Variants in CSMD3 observed in about 807,000 individuals in gnomAD.
CSMD3 encodes CUB and Sushi multiple domains 3.
A neutral mutation model predicts 435.2 loss-of-function variants in CSMD3; 177 were observed. That is an observed-to-expected ratio of 0.41 (90% CI 0.36 to 0.46). The LOEUF (loss-of-function observed/expected upper bound fraction) is 0.46. Among genes scored for constraint, CSMD3 ranks in the 20% least tolerant of loss-of-function variants. CSMD3 has a pLI of 0.34. For synonymous variants in CSMD3, 1,656 were observed against 1,520.5 expected (o/e 1.09, Z -2.07); for missense variants, 4,265 against 4,504.6 (o/e 0.95, Z 1.52).
At chr8:113,117,444 G>A (rs573708334) in intron 4 of CSMD3, among the ~76,000 whole-genome samples, 1 of 152,320 alleles carries the variant, frequency 6.6e-6, no homozygotes, top group African/African-American at 2.4e-5. Context: ...TGGATGTCCA[G>A]GCAGAAATTT....
chr8:113,279,941 T>C (rs1180523784), intron 2 of CSMD3, among the ~76,000 whole-genome samples: 1 of 151,954 alleles, frequency 6.6e-6, no homozygotes, highest in Non-Finnish European at 1.5e-5. Flanking sequence ...ATTTTGTTTT[T>C]AATTCTATTT....
intron 5 of CSMD3, among the ~76,000 whole-genome samples, chr8:113,031,451 T>A (rs1564231923): frequency 2.0e-5 from 3 of 151,570 alleles, no homozygotes; most frequent in Non-Finnish European, 4.4e-5. Context: ...CATATAACAT[T>A]CTTGGAATGA....
At chr8:112,427,190 TA>T (rs1813149959) in intron 32 of CSMD3, among the ~76,000 whole-genome samples, 1 of 152,190 alleles carries the variant, frequency 6.6e-6, no homozygotes, top group Non-Finnish European at 1.5e-5. Context: ...GCTGCCTGTC[TA>T]CAACTAAACT....
intron 13 of CSMD3, among the ~76,000 whole-genome samples, chr8:112,701,635 CAA>C (rs1477771148): frequency 6.6e-6 from 1 of 152,076 alleles, no homozygotes; most frequent in African/African-American, 2.4e-5. Context: ...TTTGGCCCAC[CAA>C]AGTTCCACCC....
rs189083520 is a variant in CSMD3, at chr8:112,878,916, G to A, written c.1634-19650C>T. 3.8e-3 allele frequency among the ~76,000 whole-genome samples: 571 copies of A among 152,118 alleles called. 6 individuals are homozygous for A. The highest frequency in any genetic ancestry group is 0.012 in the African/African-American group (517 of 41,484). The stretch of plus-strand genomic sequence containing the variant: ...TGCCTGTCTTTAATCTCTTAATCCC[G>A]TTATCTTCGTAAGCTGAGGATGTAT... On this transcript the variant is annotated intron_variant, in intron 10 of 70. Transcript: ENST00000297405.
intron 1 of CSMD3, among the ~76,000 whole-genome samples, chr8:113,400,830 T>C (rs749239458): frequency 1.2e-4 from 18 of 152,018 alleles, no homozygotes; most frequent in Admixed American, 3.3e-4. Flanking sequence ...AATTACTTTG[T>C]ATATCCTGAA....
rs1192863239 is a variant in CSMD3, at chr8:113,289,664, CT to C, written c.402-10961del. On this transcript the variant is annotated intron_variant, in intron 2 of 70. Transcript: ENST00000297405. ...GACTTCCTCCCATAAACCCTGCCACCTTTTTTTGGTGCATTTCAAAGATATC... is the reference window on the plus strand; with the variant it reads ...GACTTCCTCCCATAAACCCTGCCACCTTTTTTGGTGCATTTCAAAGATATC... 5.3e-5 allele frequency among the ~76,000 whole-genome samples: 8 copies of C among 151,516 alleles called. No homozygotes were observed. The South Asian group carries it at 1.5e-3, about 28-fold the overall frequency.
intron 31 of CSMD3, among the ~76,000 whole-genome samples, chr8:112,477,420 A>C (rs2130781078): frequency 6.6e-6 from 1 of 152,280 alleles, no homozygotes; most frequent in African/African-American, 2.4e-5. Context: ...ATGCTGATAT[A>C]GTTTGAATGT....
chr8:113,109,520 A>G (rs1011576550), intron 4 of CSMD3, among the ~76,000 whole-genome samples: 1 of 152,218 alleles, frequency 6.6e-6, no homozygotes, highest in Non-Finnish European at 1.5e-5. Context: ...GTAACAAGTA[A>G]GACTGAAATC....
At chr8:112,751,107 C>A (rs1420091625) in intron 13 of CSMD3, among the ~76,000 whole-genome samples, 7 of 151,826 alleles carry the variant, frequency 4.6e-5, no homozygotes, top group Non-Finnish European at 8.8e-5. Flanking sequence ...TTGATGTTTA[C>A]TAAAAATATT....
intron 10 of CSMD3, among the ~76,000 whole-genome samples, chr8:112,910,461 C>CA (rs1290712356): frequency 2.0e-5 from 3 of 151,792 alleles, no homozygotes; most frequent in African/African-American, 4.8e-5. Flanking sequence ...TTTCCCCCTA[C>CA]AAAAACATTA....
chr8:113,259,361 G>C (rs979072419), intron 3 of CSMD3, among the ~76,000 whole-genome samples: 8 of 152,172 alleles, frequency 5.3e-5, no homozygotes, highest in Non-Finnish European at 1.0e-4. Flanking sequence ...AAGAGGCCAA[G>C]TGGATTAGCC....
intron 6 of CSMD3, among the ~76,000 whole-genome samples, chr8:112,982,590 T>G (rs765914074): frequency 2.0e-5 from 3 of 151,946 alleles, no homozygotes; most frequent in Non-Finnish European, 4.4e-5. Context: ...GCAGCTCTCA[T>G]GGAAGAATAT....
At chr8:112,836,222 C>G (rs967129974) in intron 11 of CSMD3, among the ~76,000 whole-genome samples, 3 of 151,542 alleles carry the variant, frequency 2.0e-5, no homozygotes, top group African/African-American at 7.3e-5. Context: ...GGTATTTTTT[C>G]CAAAGTGAAT....
intron 3 of CSMD3, among the ~76,000 whole-genome samples, chr8:113,233,652 C>T (rs2093115418): frequency 6.6e-6 from 1 of 151,316 alleles, no homozygotes; most frequent in Non-Finnish European, 1.5e-5. Flanking sequence ...AGAAAATCCT[C>T]AATCATAAGC....
At chr8:113,369,420 T>A (rs2094333493) in intron 1 of CSMD3, among the ~76,000 whole-genome samples, 1 of 151,884 alleles carries the variant, frequency 6.6e-6, no homozygotes, top group African/African-American at 2.4e-5. Context: ...CTGGTAAGGA[T>A]GTGAAAAAAA....
At chr8:112,533,672 G>T (rs1456680407) in intron 27 of CSMD3, among the ~76,000 whole-genome samples, 2 of 151,968 alleles carry the variant, frequency 1.3e-5, no homozygotes, top group African/African-American at 4.8e-5. Context: ...CAATAATAGT[G>T]GGGGACTTCA....
rs2084826476 is a variant in CSMD3, at chr8:112,975,858, G to A, written c.1321C>T (p.Leu441Phe). The part of the protein sequence containing the change: ...HAEQIERTKE[L>F]AVVTHRVKKA... ...ATACCTCTATGAGTAACAACTGCAA[G>A]CTCTTTAGTTCTTTCTATCTGTTCA... The change falls in exon 7 of 71, where the codon CTT becomes TTT. Residue 441 changes from leucine (L) to phenylalanine (F), a missense_variant. Leu to Phe is a conservative substitution (Grantham distance 22). This residue lies in a region of CSMD3 where 731 missense variants were observed against 755.4 expected (regional missense o/e 0.97). Coordinates refer to ENST00000297405, the MANE Select transcript of CSMD3 (RefSeq NM_198123.2). The A allele has an allele frequency of 1.2e-6, 2 of 1,613,376 alleles. No individual in the cohort carries two copies. The highest frequency in any genetic ancestry group is 1.7e-5 in the Admixed American group (1 of 59,978).
At chr8:112,252,537 T>C (rs1274642772) in intron 63 of CSMD3, among the ~76,000 whole-genome samples, 1 of 151,874 alleles carries the variant, frequency 6.6e-6, no homozygotes, top group East Asian at 1.9e-4. Context: ...CAATCGTTTT[T>C]CTCAATGGCT....
Sources: allele counts gnomAD v4.1 joint callset (sites outside exome capture counted in the v4.1 genomes callset), GRCh38; gene constraint gnomAD v4.1.1; regional missense constraint gnomAD v4.1.1; transcripts MANE v1.5; gene names NCBI Gene and HGNC (gene_info 2026-07-23, HGNC 2026-07-21).